The following CHD9 variants were observed in gnomAD, a reference collection of about 807,000 sequenced individuals.
CHD9 encodes chromodomain helicase DNA binding protein 9.
In CHD9, 77 loss-of-function variants were observed where a neutral mutation model predicts 316.1. The ratio of observed to expected loss-of-function variants is 0.24; its 90% confidence interval spans 0.20 to 0.29. The LOEUF (loss-of-function observed/expected upper bound fraction) is 0.29, where lower values mean the gene tolerates loss of function less well. Ranked by LOEUF, CHD9 falls within the 10% of genes least tolerant of loss-of-function variation. The pLI is 1.00. For missense variants in CHD9, 2,763 were observed against 3,438.1 expected, an observed-to-expected ratio of 0.80 and a Z score of 4.91; for synonymous variants, 1,129 against 1,158.3, an observed-to-expected ratio of 0.97 and a Z score of 0.51.
At chr16:53,222,804 A>G (rs1345499266) in intron 4 of CHD9, 49 bp downstream of exon 4, 3 of 868,758 alleles carry the variant, frequency 3.5e-6, no homozygotes, top group Non-Finnish European at 5.5e-6. Context: ...AGAATGATTT[A>G]GTTAGCATAA....
chr16:53,154,598 C>T (rs1317609008), intron 1 of CHD9, among the ~76,000 whole-genome samples: 1 of 152,102 alleles, frequency 6.6e-6, no homozygotes, highest in Non-Finnish European at 1.5e-5. Context: ...TGAAACTGTT[C>T]CACCTCAGGC....
At chr16:53,112,175 C>G (rs555175631) in intron 1 of CHD9, among the ~76,000 whole-genome samples, 1 of 152,348 alleles carries the variant, frequency 6.6e-6, no homozygotes, top group African/African-American at 2.4e-5. Flanking sequence ...TTTCAACTTT[C>G]AACTTTCCAG....
rs375554929 is a variant in CHD9 at position 53,267,504 on chromosome 16, T to C, written c.4517+14T>C. On this transcript the variant is annotated intron_variant, in intron 21 of 38. Coordinates refer to ENST00000447540, the MANE Select transcript of CHD9 (RefSeq NM_001308319.2). Reference sequence around the variant, plus strand: ...GCTAGTTTATGGGTAAAACATTGTTTTTAATGTTTGCTCTAAGTAGTCTGG... The same window carrying C: ...GCTAGTTTATGGGTAAAACATTGTTCTTAATGTTTGCTCTAAGTAGTCTGG... 25 of 1,563,684 alleles carry C rather than the reference T, an allele frequency of 1.6e-5. No individual in the cohort carries two copies. In the African/African-American group the frequency reaches 2.5e-4, roughly 15 times the overall value.
In CHD9 at chr16:53,295,155, C is replaced by G. The variant is rs569940228; in HGVS notation, c.5511-1801C>G. On this transcript the variant is annotated intron_variant, in intron 29 of 38. Transcript: ENST00000447540. ...TTTTTTTTCTTTCTTGAGACGGAGT[C>G]TCCCTCTGTCACCCAAGCTGGAGTA... 8.5e-5 allele frequency among the ~76,000 whole-genome samples: 13 copies of G among 152,300 alleles called. 1 individual carries two copies. In the South Asian group the frequency reaches 2.7e-3, roughly 32 times the overall value.
chr16:53,307,169 C>T (rs1229460611), intron 32 of CHD9, among the ~76,000 whole-genome samples: 5 of 151,986 alleles, frequency 3.3e-5, no homozygotes, highest in African/African-American at 9.7e-5. Context: ...GGGTTTTCTC[C>T]TCTTCTGTGT....
chr16:53,254,332 A>C, intron 17 of CHD9, 106 bp from the exon 18 acceptor site: 1 of 736,236 alleles, frequency 1.4e-6, no homozygotes, highest in Non-Finnish European at 2.0e-6. Flanking sequence ...CTAATTCAAT[A>C]AAAATGGTCT....
intron 2 of CHD9, among the ~76,000 whole-genome samples, chr16:53,192,261 C>A (rs1054279854): frequency 5.3e-5 from 8 of 152,124 alleles, no homozygotes; most frequent in African/African-American, 1.7e-4. Flanking sequence ...ACATACAACA[C>A]CGACTCCTGA....
At chr16:53,118,949 T>C (rs1337532456) in intron 1 of CHD9, among the ~76,000 whole-genome samples, 2 of 152,106 alleles carry the variant, frequency 1.3e-5, no homozygotes, top group East Asian at 3.9e-4. Context: ...CCCGCCACCA[T>C]GCCTACTAAC....
intron 24 of CHD9, among the ~76,000 whole-genome samples, chr16:53,284,140 A>C (rs921272373): frequency 2.6e-5 from 4 of 152,140 alleles, no homozygotes; most frequent in Non-Finnish European, 4.4e-5. Flanking sequence ...CCCATTTCTT[A>C]TAGGTCTTTG....
chr16:53,183,360 A>G (rs2043692423), intron 2 of CHD9, among the ~76,000 whole-genome samples: 1 of 152,202 alleles, frequency 6.6e-6, no homozygotes, highest in Non-Finnish European at 1.5e-5. Context: ...TTTTCAGTAT[A>G]TGTTTCTGTA....
At chr16:53,321,337 A>G in intron 37 of CHD9, 189 bp from the exon 38 acceptor site, 5 of 1,373,508 alleles carry the variant, frequency 3.6e-6, no homozygotes, top group Non-Finnish European at 4.7e-6. Flanking sequence ...ACATTATCAC[A>G]TATTTATATA....
At chr16:53,277,583 A>C (rs1357684582) in intron 24 of CHD9, among the ~76,000 whole-genome samples, 2 of 152,176 alleles carry the variant, frequency 1.3e-5, no homozygotes, top group East Asian at 3.8e-4. Context: ...ATCAGCATAC[A>C]AGGGACATAC....
In CHD9 at chr16:53,286,290, A is replaced by G; in HGVS notation, c.5136A>G (p.Lys1712=). 1 of 1,613,338 alleles carries G rather than the reference A, an allele frequency of 6.2e-7. No individual in the cohort carries two copies. Among genetic ancestry groups the G allele is most frequent in the Non-Finnish European group, 8.5e-7 (1 of 1,179,422 alleles). The part of the protein sequence containing the change: ...PALCFLERVG[K]PDEKAVAAEQ... ...TATGCTTCTTGGAAAGAGTGGGAAA[A>G]CCTGATGAGAAAGCAGTTGCTGCTG... Residue 1712 remains lysine, a synonymous_variant, in exon 26 of 39, where the codon AAA becomes AAG. Coordinates refer to ENST00000447540, the MANE Select transcript of CHD9 (RefSeq NM_001308319.2).
At chr16:53,139,010 G>GT (rs1157619436) in intron 1 of CHD9, among the ~76,000 whole-genome samples, 6 of 152,082 alleles carry the variant, frequency 3.9e-5, no homozygotes, top group Admixed American at 2.0e-4. Context: ...GTGGGAGGGC[G>GT]TAAGTCTTTT....
intron 2 of CHD9, among the ~76,000 whole-genome samples, chr16:53,186,161 A>G (rs1324839600): frequency 6.6e-6 from 1 of 152,214 alleles, no homozygotes; most frequent in Admixed American, 6.5e-5. Context: ...ACAGCAGCCC[A>G]TGACAGCAGC....
chr16:53,084,020 G>A (rs889247508), intron 1 of CHD9, among the ~76,000 whole-genome samples: 4 of 151,944 alleles, frequency 2.6e-5, no homozygotes, highest in Non-Finnish European at 4.4e-5. Flanking sequence ...AAAGTTCTGG[G>A]ATTACAAGCG....
At chr16:53,266,178 A>G (rs2051669624) in intron 20 of CHD9, among the ~76,000 whole-genome samples, 1 of 152,094 alleles carries the variant, frequency 6.6e-6, no homozygotes, top group Non-Finnish European at 1.5e-5. Flanking sequence ...GACACAACAT[A>G]TTTATGTGTC....
intron 24 of CHD9, among the ~76,000 whole-genome samples, chr16:53,278,443 A>G (rs1213574411): frequency 6.6e-6 from 1 of 152,226 alleles, no homozygotes; most frequent in East Asian, 1.9e-4. Flanking sequence ...TAGAGAACCA[A>G]GAAATAAAGC....
chr16:53,118,106 C>A (rs1297767010), intron 1 of CHD9, among the ~76,000 whole-genome samples: 1 of 152,142 alleles, frequency 6.6e-6, no homozygotes, highest in African/African-American at 2.4e-5. Context: ...GGATTACAGG[C>A]ATGAGCCACC....
Sources: gnomAD v4.1 joint callset for allele counts (sites outside exome capture counted in the v4.1 genomes callset) on GRCh38, gnomAD v4.1.1 for gene constraint, MANE v1.5 for transcripts, NCBI Gene and HGNC (gene_info 2026-07-23, HGNC 2026-07-21) for gene names.